Variants in LAMA1 observed in about 807,000 individuals in gnomAD.
LAMA1 encodes the protein laminin subunit alpha-1.
A neutral mutation model predicts 348.7 loss-of-function variants in LAMA1; 219 were observed. The ratio of observed to expected loss-of-function variants is 0.63; its 90% confidence interval spans 0.56 to 0.70. The LOEUF is 0.70. LAMA1 is among the 30% of genes least tolerant of loss of function. The pLI, the probability that LAMA1 is intolerant of heterozygous loss-of-function variation, is 0.00. For missense variants in LAMA1, 3,744 were observed against 3,888.0 expected, an observed-to-expected ratio of 0.96 and a Z score of 0.99; for synonymous variants, 1,487 against 1,491.0, an observed-to-expected ratio of 1.00 and a Z score of 0.06.
chr18:7,020,477 C>G (rs1251678540), intron 19 of LAMA1, among the ~76,000 whole-genome samples: 4 of 152,184 alleles, frequency 2.6e-5, no homozygotes, highest in Non-Finnish European at 5.9e-5. Flanking sequence ...TACAAGAAGT[C>G]CACAGAGGGA....
Position 6,949,108 on chromosome 18 carries a change from A to G in LAMA1, c.8549T>C (p.Ile2850Thr). 2 of 1,614,100 alleles carry G rather than the reference A, an allele frequency of 1.2e-6. No homozygotes were observed. Among genetic ancestry groups the G allele is most frequent in the South Asian group, 2.2e-5 (2 of 91,076 alleles). The part of the protein sequence containing the change: ...GLPSQYQARK[I>T]GNITHSIPAC... ...ATGGAAAATGCTGCTTACATTTCCA[A>G]TTTTCCTGGCCTGGTACTGGGAGGG... The change falls in exon 59 of 63, where the codon ATT (isoleucine) becomes ACT (threonine). Residue 2850 changes from isoleucine to threonine, a missense_variant. Coordinates refer to ENST00000389658, the MANE Select transcript of LAMA1 (RefSeq NM_005559.4).
chr18:7,081,042 C>G (rs2058191445), intron 1 of LAMA1, among the ~76,000 whole-genome samples: 1 of 151,780 alleles, frequency 6.6e-6, no homozygotes, highest in South Asian at 2.1e-4. Flanking sequence ...ACTGGAGAAG[C>G]TGTGGAGAAA....
chr18:7,082,257 T>A (rs1020515588), intron 1 of LAMA1, among the ~76,000 whole-genome samples: 1 of 152,216 alleles, frequency 6.6e-6, no homozygotes, highest in African/African-American at 2.4e-5. Context: ...ATTCTTAATT[T>A]TGAAACATAG....
rs1163798144 is a variant in LAMA1, at chr18:6,965,443, G to C, written c.7051-11C>G. On this transcript the variant is annotated splice_polypyrimidine_tract_variant and intron_variant, in intron 49 of 62. Coordinates refer to ENST00000389658, the MANE Select transcript of LAMA1 (RefSeq NM_005559.4). ...GGATAAAAAGTCTTTCTGTAAAAAAGAGAACACAGTTCCCCAGGTTATAGC... is the reference window on the plus strand; with the variant it reads ...GGATAAAAAGTCTTTCTGTAAAAAACAGAACACAGTTCCCCAGGTTATAGC... 1.2e-6 allele frequency: 2 copies of C among 1,614,118 alleles called. No homozygotes were observed. The highest frequency in any genetic ancestry group is 2.2e-5 in the South Asian group (2 of 91,082).
intron 36 of LAMA1, among the ~76,000 whole-genome samples, chr18:6,987,379 T>C (rs564918409): frequency 6.6e-6 from 1 of 152,350 alleles, no homozygotes; most frequent in African/African-American, 2.4e-5. Flanking sequence ...AAAAGGATTT[T>C]CTGCAGCTAG....
intron 1 of LAMA1, among the ~76,000 whole-genome samples, chr18:7,096,025 G>C (rs925633346): frequency 6.6e-6 from 1 of 152,216 alleles, no homozygotes; most frequent in Non-Finnish European, 1.5e-5. Flanking sequence ...CCGAGATCGC[G>C]CCATTGCGCT....
At chr18:6,997,276 A>C (rs765435899) in intron 33 of LAMA1, among the ~76,000 whole-genome samples, 2 of 152,054 alleles carry the variant, frequency 1.3e-5, no homozygotes, top group South Asian at 2.1e-4. Context: ...GTTGGCCAGG[A>C]TGGTCTCGAT....
chr18:6,972,189 A>G, intron 47 of LAMA1: 1 of 545,326 alleles, frequency 1.8e-6, no homozygotes, highest in African/African-American at 1.9e-5. Context: ...ACTGGGCAGG[A>G]TCTTAAAGAT....
At chr18:7,015,599 T>TTA in intron 22 of LAMA1, 123 bp downstream of exon 22, 1 of 1,260,390 alleles carries the variant, frequency 7.9e-7, no homozygotes, top group Non-Finnish European at 1.1e-6. Context: ...TTTTTTTTTT[T>TTA]TTTTTAAATT....
chr18:7,063,271 A>G (rs1051991149), intron 3 of LAMA1, among the ~76,000 whole-genome samples: 1 of 152,138 alleles, frequency 6.6e-6, no homozygotes, highest in Non-Finnish European at 1.5e-5. Context: ...CTTTAGACAC[A>G]TCTAACTTCA....
intron 3 of LAMA1, among the ~76,000 whole-genome samples, chr18:7,058,178 A>G (rs756935468): frequency 1.3e-5 from 2 of 152,130 alleles, no homozygotes; most frequent in Non-Finnish European, 2.9e-5. Flanking sequence ...GAGCTTAGTC[A>G]TATATAAGAA....
chr18:7,112,537 T>A (rs2058339697), intron 1 of LAMA1, among the ~76,000 whole-genome samples: 1 of 152,078 alleles, frequency 6.6e-6, no homozygotes, highest in Admixed American at 6.6e-5. Flanking sequence ...AAGTCTTAAC[T>A]TTTTTCTACC....
intron 1 of LAMA1, among the ~76,000 whole-genome samples, chr18:7,100,055 T>A (rs1461697985): frequency 5.6e-5 from 2 of 35,694 alleles, no homozygotes; most frequent in Admixed American, 4.2e-4. Context: ...CCAGACTTTG[T>A]CTCAAAAAAA....
intron 18 of LAMA1, 46 bp downstream of exon 18, chr18:7,024,334 T>C: frequency 1.4e-6 from 2 of 1,451,560 alleles, no homozygotes; most frequent in Non-Finnish European, 1.9e-6. Flanking sequence ...ACATAGAATT[T>C]ATATTTAATT....
chr18:6,994,314 G>A (rs892703688), intron 34 of LAMA1, among the ~76,000 whole-genome samples: 3 of 152,206 alleles, frequency 2.0e-5, no homozygotes, highest in Non-Finnish European at 2.9e-5. Flanking sequence ...CAGCCCAGAG[G>A]CTGACACTTA....
At chr18:7,008,252 G>GT (rs1473588041) in intron 28 of LAMA1, among the ~76,000 whole-genome samples, 1 of 152,100 alleles carries the variant, frequency 6.6e-6, no homozygotes, top group Non-Finnish European at 1.5e-5. Flanking sequence ...GATGATAGTG[G>GT]TGACAGTTGT....
At position 7,095,122 on chromosome 18, in the gene LAMA1, T is replaced by TTCTCTCTC. The variant is rs71165720; in HGVS notation, c.62-14673_62-14666dup. Among the ~76,000 whole-genome samples, 453 of 126,546 alleles carry TTCTCTCTC rather than the reference T, an allele frequency of 3.6e-3. 4 individuals carry two copies. The highest frequency in any genetic ancestry group is 0.011 in the African/African-American group (346 of 32,446). 83.0% of individuals were successfully genotyped at this position (126,546 alleles called of 152,430 possible). On this transcript the variant is annotated intron_variant, in intron 1 of 62. Transcript: ENST00000389658. ...CTGTTCCCTGGTTGCCTCAGGACCT[T>TTCTCTCTC]TCTCTCTCTCTCTCTCTCTCTCTCT...
At chr18:6,995,038 G>A (rs1294077608) in intron 34 of LAMA1, among the ~76,000 whole-genome samples, 2 of 152,188 alleles carry the variant, frequency 1.3e-5, no homozygotes, top group African/African-American at 4.8e-5. Context: ...TTAGGAGAAG[G>A]AAGAAACCTC....
chr18:6,972,269 T>C (rs2057661850), intron 47 of LAMA1: 1 of 395,914 alleles, frequency 2.5e-6, no homozygotes, highest in South Asian at 2.1e-5. Flanking sequence ...CCAGAGAATG[T>C]GATTGGTAGT....
Sources: allele counts gnomAD v4.1 joint callset (sites outside exome capture counted in the v4.1 genomes callset), GRCh38; gene constraint gnomAD v4.1.1; transcripts MANE v1.5; gene names NCBI Gene and HGNC (gene_info 2026-07-23, HGNC 2026-07-21).